GNAZ: variants seen among roughly 807,000 people sequenced by gnomAD.
The protein encoded by GNAZ is guanine nucleotide-binding protein G(z) subunit alpha.
In GNAZ, 3 loss-of-function variants were observed where a neutral mutation model predicts 25.4. The ratio of observed to expected loss-of-function variants is 0.12; its 90% CI spans 0.05 to 0.30. The LOEUF is 0.30. Among genes scored for constraint, GNAZ ranks in the 10% least tolerant of loss-of-function variants. The pLI, the probability that GNAZ is intolerant of heterozygous loss-of-function variation, is 1.00. For missense variants in GNAZ, 241 were observed against 501.8 expected, an observed-to-expected ratio of 0.48 and a Z score of 4.97; for synonymous variants, 211 against 205.7, an observed-to-expected ratio of 1.03 and a Z score of -0.22.
intron 1 of GNAZ, among the ~76,000 whole-genome samples, chr22:23,092,612 G>A (rs549128021): frequency 4.6e-5 from 7 of 152,246 alleles, no homozygotes; most frequent in Non-Finnish European, 7.4e-5. Flanking sequence ...TTGCCCTGTC[G>A]TTGCCGGCGC....
Position 23,096,049 on chromosome 22 carries a change from C to T in GNAZ, c.354C>T (p.Gly118=), listed in dbSNP as rs145676028. Residue 118 remains glycine (G), a synonymous_variant, in exon 2 of 3, where the codon GGC becomes GGT. Transcript: ENST00000615612. ...TGACGGGCCCCGCTGAGAGCAAGGG[C>T]GAGATCACACCCGAGCTGCTGGGTG... ...FALTGPAESK[G]EITPELLGVM... 28 of 1,606,958 alleles carry T rather than the reference C, an allele frequency of 1.7e-5. No homozygotes were observed. Among genetic ancestry groups the T allele is most frequent in the African/African-American group, 4.0e-5 (3 of 74,932 alleles).
At chr22:23,103,171 C>T (rs1415634071) in intron 2 of GNAZ, among the ~76,000 whole-genome samples, 1 of 152,186 alleles carries the variant, frequency 6.6e-6, no homozygotes, top group African/African-American at 2.4e-5. Context: ...GCTAATTTTT[C>T]AATTTTCAGG....
intron 1 of GNAZ, among the ~76,000 whole-genome samples, chr22:23,090,045 C>A (rs1180083757): frequency 1.3e-5 from 2 of 152,126 alleles, no homozygotes; most frequent in African/African-American, 4.8e-5. Flanking sequence ...CCACACCCTT[C>A]ACGCTGCAAA....
At chr22:23,080,303 G>A (rs1009423098) in intron 1 of GNAZ, among the ~76,000 whole-genome samples, 44 of 152,212 alleles carry the variant, frequency 2.9e-4, no homozygotes, top group African/African-American at 9.9e-4. Context: ...CAGGACAGGT[G>A]GCTGAGGGTG....
rs548840247 is a variant in GNAZ, at chr22:23,072,480, A to G, written c.-450+1910A>G. ...AAGACATAATTTCTCCCCCTCGGAA[A>G]TTGGTGTCACTTTCCCCCCTAAGTC... On this transcript the variant is annotated intron_variant, in intron 1 of 2. Transcript: ENST00000615612. Among the ~76,000 whole-genome samples the G allele has an allele frequency of 2.0e-5, 3 of 152,280 alleles. No homozygotes were observed. The South Asian group carries it at 6.2e-4, about 32-fold the overall frequency.
At position 23,096,460 on chromosome 22, in the gene GNAZ, C is replaced by A; in HGVS notation, c.723+42C>A. ...GTTTTCCTCTGCTTGTTCCTGCTGTCGTGGGTTCCTGGAAGCAAGAGGACT... is the reference window on the plus strand; with the variant it reads ...GTTTTCCTCTGCTTGTTCCTGCTGTAGTGGGTTCCTGGAAGCAAGAGGACT... On this transcript the variant is annotated intron_variant, in intron 2 of 2. Transcript: ENST00000615612. The A allele has an allele frequency of 1.9e-6, 3 of 1,558,766 alleles. No individual in the cohort carries two copies. The South Asian group carries it at 3.6e-5, about 19-fold the overall frequency.
chr22:23,124,698 G>A lies in GNAZ; in HGVS notation c.*1267G>A, dbSNP rs2070131081. On this transcript the variant is annotated 3_prime_UTR_variant, in exon 3 of 3. Transcript: ENST00000615612. ...GCCTGAGACTGGCTGGAAATGCTCT[G>A]ACTCCTGTGAAGGCACAGCCAGCGT... is the stretch of plus-strand genomic sequence containing the variant. The A allele has an allele frequency of 5.1e-6, 1 of 194,212 alleles. No individual in the cohort carries two copies. Among genetic ancestry groups the A allele is most frequent in the African/African-American group, 2.4e-5 (1 of 42,132 alleles). The allele number at this position is 194,212 out of a possible 1,614,324, so 12.0% of individuals were successfully genotyped here.
At chr22:23,109,157 G>A (rs2069570639) in intron 2 of GNAZ, among the ~76,000 whole-genome samples, 1 of 152,164 alleles carries the variant, frequency 6.6e-6, no homozygotes, top group African/African-American at 2.4e-5. Flanking sequence ...GCACTTCACT[G>A]TCACCCAGAA....
intron 1 of GNAZ, among the ~76,000 whole-genome samples, chr22:23,093,697 G>A (rs867870671): frequency 1.4e-4 from 22 of 152,214 alleles, no homozygotes; most frequent in African/African-American, 5.1e-4. Context: ...AGTCGCCAGA[G>A]GCCACACAAC....
intron 1 of GNAZ, among the ~76,000 whole-genome samples, chr22:23,077,799 G>C (rs909435223): frequency 3.9e-5 from 6 of 152,314 alleles, no homozygotes; most frequent in African/African-American, 1.4e-4. Context: ...ATGGGTGGGA[G>C]AACTTGGCAC....
In GNAZ at chr22:23,095,738, C is replaced by T. The variant is rs766030793; in HGVS notation, c.43C>T (p.Arg15Trp). ...CTCAGAGGAAAAAGAAGCAGCCCGG[C>T]GGTCCCGGAGAATTGACCGCCACCT... ...QSSEEKEAAR[R>W]SRRIDRHLRS... The change falls in exon 2 of 3, where the codon CGG (arginine) becomes TGG (tryptophan). Residue 15 changes from arginine to tryptophan, a missense_variant. Coordinates refer to ENST00000615612, the MANE Select transcript of GNAZ (RefSeq NM_002073.4). The T allele has an allele frequency of 8.1e-6, 13 of 1,611,934 alleles. No homozygotes were observed. Among genetic ancestry groups the T allele is most frequent in the African/African-American group, 1.3e-5 (1 of 74,916 alleles).
At position 23,095,765 on chromosome 22, in the gene GNAZ, C is replaced by T. The variant is rs1462919254; in HGVS notation, c.70C>T (p.Arg24Cys). Residue 24 changes from arginine to cysteine, a missense_variant, in exon 2 of 3, where the codon CGC (arginine) becomes TGC (cysteine). Transcript: ENST00000615612. ...RRSRRIDRHL[R>C]SESQRQRREI... is the part of the protein sequence containing the mutation. ...GTCCCGGAGAATTGACCGCCACCTG[C>T]GCTCAGAGAGCCAGCGGCAACGCCG... 5 of 1,612,876 alleles carry T rather than the reference C, an allele frequency of 3.1e-6. No homozygotes were observed. Among genetic ancestry groups the T allele is most frequent in the South Asian group, 1.1e-5 (1 of 91,088 alleles).
chr22:23,072,498 C>T (rs562226185), intron 1 of GNAZ, among the ~76,000 whole-genome samples: 1 of 152,304 alleles, frequency 6.6e-6, no homozygotes, highest in Non-Finnish European at 1.5e-5. Flanking sequence ...CACTTTCCCC[C>T]CTAAGTCAGC....
chr22:23,104,805 G>A (rs764514728), intron 2 of GNAZ, among the ~76,000 whole-genome samples: 15 of 152,316 alleles, frequency 9.8e-5, no homozygotes, highest in African/African-American at 3.4e-4. Flanking sequence ...TGTGCTGACC[G>A]GATGCATAGC....
chr22:23,119,498 T>C (rs2069947905), intron 2 of GNAZ, among the ~76,000 whole-genome samples: 1 of 152,198 alleles, frequency 6.6e-6, no homozygotes, highest in Non-Finnish European at 1.5e-5. Flanking sequence ...ACGATGCAGC[T>C]CCTGCCTCAC....
rs182377323 is a variant in GNAZ, at chr22:23,071,837, G to C, written c.-450+1267G>C. On this transcript the variant is annotated intron_variant, in intron 1 of 2. Transcript: ENST00000615612. This position sits in a 1 kb window ranked among gnomAD's most constrained non-coding sequence, Gnocchi z 4.1. ...CTAAGCTGGGCATTGTGGGCAGAGA[G>C]GAGAGAATAGACCGAGGCACTTGGG... Among the ~76,000 whole-genome samples the C allele has an allele frequency of 1.7e-3, 253 of 152,310 alleles. No individual in the cohort carries two copies. The highest frequency in any genetic ancestry group is 5.7e-3 in the African/African-American group (235 of 41,558).
At chr22:23,112,696 G>A (rs1254396406) in intron 2 of GNAZ, among the ~76,000 whole-genome samples, 1 of 152,218 alleles carries the variant, frequency 6.6e-6, no homozygotes, top group African/African-American at 2.4e-5. Flanking sequence ...CTCAAGGTAA[G>A]CACGATGCAG....
At chr22:23,102,482 T>G (rs2069331583) in intron 2 of GNAZ, among the ~76,000 whole-genome samples, 1 of 152,202 alleles carries the variant, frequency 6.6e-6, no homozygotes, top group African/African-American at 2.4e-5. Flanking sequence ...CTTCCAAGGG[T>G]GGGGCCATTT....
rs146834504 is a variant in GNAZ, at chr22:23,096,007, T to C, written c.312T>C (p.Ala104=). Residue 104 remains alanine (A), a synonymous_variant, in exon 2 of 3, where the codon GCT becomes GCC. Coordinates refer to ENST00000615612, the MANE Select transcript of GNAZ (RefSeq NM_002073.4). ...ACAACCCCGACCGCGCCTACGACGCTGTGCAGCTCTTTGCGCTGACGGGCC... is the reference window on the plus strand; with the variant it reads ...ACAACCCCGACCGCGCCTACGACGCCGTGCAGCTCTTTGCGCTGACGGGCC... ...DFHNPDRAYD[A]VQLFALTGPA... 2 of 1,607,970 alleles carry C rather than the reference T, an allele frequency of 1.2e-6. No homozygotes were observed. The highest frequency in any genetic ancestry group is 1.3e-5 in the African/African-American group (1 of 74,936).
Sources: allele counts gnomAD v4.1 joint callset (sites outside exome capture counted in the v4.1 genomes callset), GRCh38; gene constraint gnomAD v4.1.1; non-coding constraint Gnocchi (gnomAD v3.1); transcripts MANE v1.5; gene names NCBI Gene and HGNC (gene_info 2026-07-23, HGNC 2026-07-21).